Variants in PDSS2 observed in about 807,000 individuals in gnomAD.
The protein encoded by PDSS2 is all trans-polyprenyl-diphosphate synthase PDSS2.
In PDSS2, 31 loss-of-function variants were observed where a neutral mutation model predicts 44.5. The observed-to-expected ratio is 0.70, with a 90% CI of 0.52 to 0.94. PDSS2 has a LOEUF of 0.94. Ranked by LOEUF, PDSS2 falls within the 40% of genes least tolerant of loss-of-function variation. PDSS2 has a pLI of 0.00. For synonymous variants in PDSS2, 157 were observed against 180.3 expected (o/e 0.87, Z 1.03); for missense variants, 452 against 482.2 (o/e 0.94, Z 0.59).
Position 107,210,582 on chromosome 6 carries a change from A to G in PDSS2, c.877-12T>C. 1 of 1,554,908 alleles carries G rather than the reference A, an allele frequency of 6.4e-7. No individual in the cohort carries two copies. Among genetic ancestry groups the G allele is most frequent in the South Asian group, 1.1e-5 (1 of 89,810 alleles). On this transcript the variant is annotated splice_polypyrimidine_tract_variant and intron_variant, in intron 5 of 7. Coordinates refer to ENST00000369037, the MANE Select transcript of PDSS2 (RefSeq NM_020381.4). ...ACATCAGAATTTATCTACAAGAAGC[A>G]ATTAAATGAGTAAATTAGTGAAATG...
intron 7 of PDSS2, chr6:107,192,643 A>T (rs575117356): frequency 5.0e-6 from 1 of 201,904 alleles, no homozygotes; most frequent in East Asian, 1.6e-4. Context: ...CTTTTTAGAA[A>T]CACTCAGGTC....
At chr6:107,228,572 A>G (rs1773917763) in intron 4 of PDSS2, among the ~76,000 whole-genome samples, 2 of 151,964 alleles carry the variant, frequency 1.3e-5, no homozygotes, top group African/African-American at 2.4e-5. Context: ...GCAAGCGCCT[A>G]TAATCCCAGC....
chr6:107,348,284 C>G (rs1216925654), intron 1 of PDSS2, among the ~76,000 whole-genome samples: 2 of 152,160 alleles, frequency 1.3e-5, no homozygotes, highest in African/African-American at 4.8e-5. Flanking sequence ...ATAGGTGAGG[C>G]TTAGAGACAG....
chr6:107,273,143 C>T (rs1481369918), intron 3 of PDSS2, among the ~76,000 whole-genome samples: 1 of 151,914 alleles, frequency 6.6e-6, no homozygotes, highest in Non-Finnish European at 1.5e-5. Flanking sequence ...CGCCACCACG[C>T]CCAGTTAATT....
chr6:107,208,311 T>TC (rs1773075620), intron 6 of PDSS2, among the ~76,000 whole-genome samples: 1 of 115,512 alleles, frequency 8.7e-6, no homozygotes, highest in Non-Finnish European at 1.9e-5. Flanking sequence ...TTTTTTTTTT[T>TC]TTTTAAAGAC....
chr6:107,369,179 G>T (rs967302726), intron 1 of PDSS2, among the ~76,000 whole-genome samples: 3 of 152,282 alleles, frequency 2.0e-5, no homozygotes, highest in Middle Eastern at 3.4e-3. Context: ...TAGCACTTTG[G>T]GAGGCCAAGG....
chr6:107,409,355 G>A (rs533610239), intron 1 of PDSS2, among the ~76,000 whole-genome samples: 3 of 151,782 alleles, frequency 2.0e-5, no homozygotes, highest in East Asian at 3.9e-4. Context: ...AATTCCAATC[G>A]AAAATCTCTG....
intron 4 of PDSS2, among the ~76,000 whole-genome samples, chr6:107,225,165 T>TATATATATATATA (rs1562389540): frequency 2.5e-5 from 1 of 39,754 alleles, no homozygotes; most frequent in African/African-American, 1.3e-4. Context: ...ATATATATTT[T>TATATATATATATA]TTTTTTTTTT....
chr6:107,435,633 T>C (rs1047242813), intron 1 of PDSS2, among the ~76,000 whole-genome samples: 1 of 152,120 alleles, frequency 6.6e-6, no homozygotes, highest in Non-Finnish European at 1.5e-5. Flanking sequence ...AAGATAAATC[T>C]CATTTATTTG....
chr6:107,249,224 C>T (rs1037783542), intron 3 of PDSS2, among the ~76,000 whole-genome samples: 1 of 152,200 alleles, frequency 6.6e-6, no homozygotes, highest in Admixed American at 6.5e-5. Flanking sequence ...TGAGTGTTAA[C>T]TTATTCTTCT....
intron 7 of PDSS2, among the ~76,000 whole-genome samples, chr6:107,176,855 T>C (rs1340287380): frequency 2.0e-5 from 3 of 152,114 alleles, no homozygotes; most frequent in African/African-American, 7.2e-5. Flanking sequence ...ATAGTTTAAA[T>C]AATTTTACTG....
intron 1 of PDSS2, among the ~76,000 whole-genome samples, chr6:107,414,202 CTTTAA>C (rs1013621793): frequency 3.9e-5 from 6 of 152,180 alleles, no homozygotes; most frequent in African/African-American, 1.4e-4. Flanking sequence ...GGCTATCTGG[CTTTAA>C]TTTGTTTCTA....
intron 3 of PDSS2, among the ~76,000 whole-genome samples, chr6:107,270,157 G>A (rs1038851510): frequency 1.3e-5 from 2 of 151,912 alleles, no homozygotes; most frequent in Non-Finnish European, 2.9e-5. Flanking sequence ...TGCCCAGGCC[G>A]GAGTGCAATG....
At chr6:107,190,440 C>T (rs976745170) in intron 7 of PDSS2, among the ~76,000 whole-genome samples, 9 of 152,152 alleles carry the variant, frequency 5.9e-5, no homozygotes, top group African/African-American at 2.2e-4. Context: ...TACTAAGTGT[C>T]AAGTACTGTG....
At chr6:107,206,612 GGAA>G (rs79983484) in intron 6 of PDSS2, among the ~76,000 whole-genome samples, 4 of 151,670 alleles carry the variant, frequency 2.6e-5, no homozygotes, top group Admixed American at 6.6e-5. Context: ...GGACCACACT[GGAA>G]GAAGAATTGT....
intron 2 of PDSS2, among the ~76,000 whole-genome samples, chr6:107,300,193 C>T (rs1405199222): frequency 2.6e-5 from 4 of 152,096 alleles, no homozygotes; most frequent in Admixed American, 6.6e-5. Flanking sequence ...AACTACAAAT[C>T]GTTCTTCAAA....
intron 1 of PDSS2, among the ~76,000 whole-genome samples, chr6:107,373,708 T>G (rs913408159): frequency 1.3e-5 from 2 of 152,226 alleles, no homozygotes; most frequent in Admixed American, 6.5e-5. Flanking sequence ...AGGACCTGAT[T>G]GGAATTAACT....
At chr6:107,225,220 G>A (rs1354788882) in intron 4 of PDSS2, among the ~76,000 whole-genome samples, 1 of 127,570 alleles carries the variant, frequency 7.8e-6, no homozygotes, top group Non-Finnish European at 1.6e-5. Context: ...TGCCCAGGCT[G>A]GAGTGCAGTG....
chr6:107,292,397 T>A (rs76951246), intron 2 of PDSS2, among the ~76,000 whole-genome samples: 8 of 152,172 alleles, frequency 5.3e-5, no homozygotes, highest in African/African-American at 1.9e-4. Flanking sequence ...TCAGTATTGA[T>A]GTGTTCTGTA....
Sources: gnomAD v4.1 joint callset for allele counts (sites outside exome capture counted in the v4.1 genomes callset) on GRCh38, gnomAD v4.1.1 for gene constraint, MANE v1.5 for transcripts, NCBI Gene and HGNC (gene_info 2026-07-23, HGNC 2026-07-21) for gene names.